The following NAA35 variants were observed in gnomAD, a reference collection of about 807,000 sequenced individuals.
NAA35 encodes the protein MAK10 homolog, amino-acid N-acetyltransferase subunit.
Under a neutral mutation model 101.7 loss-of-function variants are expected in NAA35, and 18 were observed. The ratio of observed to expected loss-of-function variants is 0.18; its 90% CI spans 0.12 to 0.26. The LOEUF is 0.26. Among genes scored for constraint, NAA35 ranks in the 10% least tolerant of loss-of-function variants. The pLI is 1.00. For synonymous variants in NAA35, 267 were observed against 273.1 expected (o/e 0.98, Z 0.22); for missense variants, 601 against 886.8 (o/e 0.68, Z 4.09).
chr9:86,016,889 A>C (rs920275663), intron 18 of NAA35, among the ~76,000 whole-genome samples: 15 of 152,214 alleles, frequency 9.9e-5, no homozygotes, highest in African/African-American at 3.6e-4. Context: ...GTATCAGAGA[A>C]TCTTTGATCA....
chr9:85,964,273 C>T (rs572061440), intron 6 of NAA35, among the ~76,000 whole-genome samples: 15 of 152,088 alleles, frequency 9.9e-5, no homozygotes, highest in African/African-American at 2.4e-4. Flanking sequence ...TTCACTTATG[C>T]GCGTGCTCCT....
chr9:85,943,798 T>G (rs1433709279), intron 2 of NAA35, among the ~76,000 whole-genome samples: 1 of 152,172 alleles, frequency 6.6e-6, no homozygotes, highest in Non-Finnish European at 1.5e-5. Flanking sequence ...GTTATATGGC[T>G]TGGGTTGGGC....
At chr9:85,982,334 AAGG>A (rs748242949) in intron 11 of NAA35, among the ~76,000 whole-genome samples, 49 of 152,204 alleles carry the variant, frequency 3.2e-4, no homozygotes, top group Non-Finnish European at 6.5e-4. Context: ...TGAAGGAAGA[AAGG>A]AGCAAAAAAA....
At chr9:86,014,667 G>A (rs1370861901) in intron 17 of NAA35, among the ~76,000 whole-genome samples, 2 of 152,138 alleles carry the variant, frequency 1.3e-5, no homozygotes, top group Admixed American at 6.5e-5. Flanking sequence ...TGTATTCTCT[G>A]AAGTCACTGC....
At chr9:85,995,033 GAA>G (rs1452128604) in intron 11 of NAA35, among the ~76,000 whole-genome samples, 2 of 151,986 alleles carry the variant, frequency 1.3e-5, no homozygotes, top group East Asian at 3.9e-4. Flanking sequence ...TTTTAAAAAA[GAA>G]AAAATTATTA....
intron 2 of NAA35, among the ~76,000 whole-genome samples, chr9:85,953,867 C>T (rs574849200): frequency 5.3e-5 from 8 of 152,282 alleles, no homozygotes; most frequent in Admixed American, 2.6e-4. Flanking sequence ...GAATTTCCTT[C>T]CTTTTTAAGA....
Position 85,978,400 on chromosome 9 carries a change from C to A in NAA35, c.877+19C>A. 6.8e-7 allele frequency: 1 copy of A among 1,476,514 alleles called. No individual in the cohort carries two copies. The highest frequency in any genetic ancestry group is 2.3e-5 in the East Asian group (1 of 44,176). 91.5% of individuals were successfully genotyped at this position (1,476,514 alleles called of 1,614,324 possible). A position where few individuals can be genotyped will look rare whatever the true frequency, so the allele number is the denominator to read the frequency against. On this transcript the variant is annotated intron_variant, in intron 11 of 22. Coordinates refer to ENST00000361671, the MANE Select transcript of NAA35 (RefSeq NM_024635.4). ...AAAGGAGGTAATTGTTCAATTTGCTCCTACTCTTTCTTTTCTTCGTTTCTA... is the reference window on the plus strand; with the variant it reads ...AAAGGAGGTAATTGTTCAATTTGCTACTACTCTTTCTTTTCTTCGTTTCTA...
At chr9:85,977,326 G>A in intron 9 of NAA35, 37 bp from the exon 10 acceptor site, 2 of 1,397,622 alleles carry the variant, frequency 1.4e-6, no homozygotes, top group Non-Finnish European at 1.0e-6. Context: ...CACGGGCTTT[G>A]CATCTTTTAA....
At chr9:85,955,341 TATATATA>T (rs1829199456) in intron 2 of NAA35, among the ~76,000 whole-genome samples, 1 of 69,694 alleles carries the variant, frequency 1.4e-5, no homozygotes, top group African/African-American at 6.4e-5. Flanking sequence ...TATATATATA[TATATATA>T]TATATATATA....
intron 11 of NAA35, among the ~76,000 whole-genome samples, chr9:85,990,543 T>A (rs184586218): frequency 7.8e-4 from 119 of 152,334 alleles, no homozygotes; most frequent in African/African-American, 2.8e-3. Flanking sequence ...AAAAGACTTC[T>A]CAATTATCAG....
chr9:86,015,220 G>A (rs890844147), intron 17 of NAA35, among the ~76,000 whole-genome samples: 10 of 152,006 alleles, frequency 6.6e-5, no homozygotes, highest in African/African-American at 2.4e-4. Context: ...TAAATGAGAC[G>A]CAGATAAATA....
intron 2 of NAA35, among the ~76,000 whole-genome samples, chr9:85,947,575 T>C (rs191126683): frequency 2.0e-5 from 3 of 152,204 alleles, no homozygotes; most frequent in East Asian, 3.8e-4. Flanking sequence ...GGTTCTCAAC[T>C]GGGGGTGATT....
intron 11 of NAA35, among the ~76,000 whole-genome samples, chr9:85,988,094 C>T (rs1345958050): frequency 6.6e-6 from 1 of 152,180 alleles, no homozygotes; most frequent in Non-Finnish European, 1.5e-5. Context: ...GAAACACATG[C>T]ACACGGGCAC....
intron 2 of NAA35, among the ~76,000 whole-genome samples, chr9:85,946,665 T>C (rs1828775428): frequency 1.3e-5 from 2 of 148,600 alleles, no homozygotes; most frequent in African/African-American, 5.1e-5. Context: ...TAAAACGTTA[T>C]GAGATTTTTT....
intron 11 of NAA35, among the ~76,000 whole-genome samples, chr9:85,981,892 C>T (rs984920604): frequency 6.6e-6 from 1 of 152,152 alleles, no homozygotes; most frequent in African/African-American, 2.4e-5. Flanking sequence ...ATTTTGCCTT[C>T]TGATTATATT....
intron 6 of NAA35, among the ~76,000 whole-genome samples, chr9:85,971,342 C>T (rs558767034): frequency 2.1e-4 from 32 of 152,304 alleles, no homozygotes; most frequent in Non-Finnish European, 4.3e-4. Flanking sequence ...GGTTGACACA[C>T]TGTGAAATAC....
At chr9:85,969,905 TTTC>T (rs1464865256) in intron 6 of NAA35, among the ~76,000 whole-genome samples, 2 of 152,000 alleles carry the variant, frequency 1.3e-5, no homozygotes, top group Non-Finnish European at 2.9e-5. Flanking sequence ...TGTCTCTGGT[TTTC>T]TTCTTTTTCT....
chr9:85,968,521 T>G (rs1325608882), intron 6 of NAA35, among the ~76,000 whole-genome samples: 1 of 152,206 alleles, frequency 6.6e-6, no homozygotes, highest in South Asian at 2.1e-4. Context: ...AAATTTGTTA[T>G]GTGAAAATTT....
chr9:85,991,269 G>A (rs1380343491), intron 11 of NAA35, among the ~76,000 whole-genome samples: 2 of 152,074 alleles, frequency 1.3e-5, no homozygotes, highest in African/African-American at 2.4e-5. Context: ...ATGGAGCCTG[G>A]CAGAGTAGGG....
Sources: gnomAD v4.1 joint callset for allele counts (sites outside exome capture counted in the v4.1 genomes callset) on GRCh38, gnomAD v4.1.1 for gene constraint, MANE v1.5 for transcripts, NCBI Gene and HGNC (gene_info 2026-07-23, HGNC 2026-07-21) for gene names.